GPCPD1: variants seen among roughly 807,000 people sequenced by gnomAD.
GPCPD1 encodes the protein glycerophosphocholine phosphodiesterase GPCPD1.
In GPCPD1, 29 loss-of-function variants were observed where a neutral mutation model predicts 89.2. The ratio of observed to expected loss-of-function variants is 0.33; its 90% confidence interval spans 0.24 to 0.44. The LOEUF is 0.44. Among genes scored for constraint, GPCPD1 ranks in the 20% least tolerant of loss-of-function variants. GPCPD1 has a pLI of 1.00. For synonymous variants in GPCPD1, 258 were observed against 266.3 expected, an observed-to-expected ratio of 0.97 and a Z score of 0.30; for missense variants, 594 against 808.9, an observed-to-expected ratio of 0.73 and a Z score of 3.22.
intron 19 of GPCPD1, among the ~76,000 whole-genome samples, chr20:5,552,703 T>C (rs1048996053): frequency 6.6e-6 from 1 of 152,264 alleles, no homozygotes; most frequent in Non-Finnish European, 1.5e-5. Context: ...GCGTCACTCA[T>C]GCTATTTCAT....
Position 5,588,697 on chromosome 20 carries a change from C to T in GPCPD1, c.232-2428G>A, listed in dbSNP as rs541374419. Among the ~76,000 whole-genome samples, 30 of 151,766 alleles carry T rather than the reference C, an allele frequency of 2.0e-4. 1 individual carries two copies. The highest frequency in any genetic ancestry group is 6.3e-4 in the South Asian group (3 of 4,798). ...AAAATTAGCCAGGCATGGTGGCACACGCCTGTAATCCTAGGTACTTGGGAG... is the reference window on the plus strand; with the variant it reads ...AAAATTAGCCAGGCATGGTGGCACATGCCTGTAATCCTAGGTACTTGGGAG... On this transcript the variant is annotated intron_variant, in intron 4 of 19. Transcript: ENST00000379019.
At chr20:5,565,785 A>G (rs1986366994) in intron 14 of GPCPD1, among the ~76,000 whole-genome samples, 1 of 152,236 alleles carries the variant, frequency 6.6e-6, no homozygotes. Context: ...TACTAAAATC[A>G]GCTCAGAAAT....
chr20:5,578,931 T>C lies in GPCPD1; in HGVS notation c.474-320A>G, dbSNP rs1600757325. 2.0e-5 allele frequency among the ~76,000 whole-genome samples: 3 copies of C among 152,194 alleles called. No individual in the cohort carries two copies. In the South Asian group the frequency reaches 6.2e-4, roughly 32 times the overall value. On this transcript the variant is annotated intron_variant, in intron 7 of 19. Transcript: ENST00000379019. ...GGGCTGGGCCAGTGGCTCACGCCTG[T>C]AATCCCAGAACTTTGGGAAGCTGAC...
chr20:5,564,541 T>G (rs1228665255), intron 15 of GPCPD1, among the ~76,000 whole-genome samples: 1 of 152,152 alleles, frequency 6.6e-6, no homozygotes, highest in African/African-American at 2.4e-5. Context: ...AGAATGAATC[T>G]TATTGGCTGG....
At chr20:5,575,697 C>T (rs1201513382) in intron 9 of GPCPD1, 119 bp downstream of exon 9, 1 of 887,044 alleles carries the variant, frequency 1.1e-6, no homozygotes, top group African/African-American at 1.7e-5. Flanking sequence ...AGACATGCTC[C>T]TTAAATTGAT....
chr20:5,581,964 C>T (rs1978534698), intron 6 of GPCPD1, among the ~76,000 whole-genome samples: 2 of 148,714 alleles, frequency 1.3e-5, no homozygotes, highest in African/African-American at 2.5e-5. Flanking sequence ...GCGGGCGGAT[C>T]ACGAGGTCAG....
At chr20:5,550,283 C>CAAAAAAAAAAAAAA (rs11476159) in intron 19 of GPCPD1, among the ~76,000 whole-genome samples, 4 of 76,010 alleles carry the variant, frequency 5.3e-5, no homozygotes, top group Non-Finnish European at 7.2e-5. Context: ...TCAAATGAAG[C>CAAAAAAAAAAAAAA]AAAAAAAAAA....
chr20:5,549,144 AAAAC>A (rs1188349385), intron 19 of GPCPD1: 5 of 651,572 alleles, frequency 7.7e-6, no homozygotes, highest in African/African-American at 5.4e-5. Context: ...GAAGATGAGA[AAAAC>A]AAACAGGGAG....
At position 5,547,301 on chromosome 20, in the gene GPCPD1, T is replaced by C. The variant is rs1985076165; in HGVS notation, c.*360A>G. On this transcript the variant is annotated 3_prime_UTR_variant, in exon 20 of 20. Transcript: ENST00000379019. The stretch of plus-strand genomic sequence containing the variant: ...TCATTTTCCTTAAGTGCTAAAGATT[T>C]CAGACCTGATCAAATGAAAAGCTGT... 6.5e-6 allele frequency: 1 copy of C among 153,746 alleles called. No homozygotes were observed. Among genetic ancestry groups the C allele is most frequent in the Admixed American group, 6.5e-5 (1 of 15,322 alleles). 9.5% of individuals were successfully genotyped at this position (153,746 alleles called of 1,614,324 possible). A position where few individuals can be genotyped will look rare whatever the true frequency, so the allele number is the denominator to read the frequency against.
At chr20:5,547,987 TAAAGATG>T (rs1374431612) in intron 19 of GPCPD1, 137 bp from the exon 20 acceptor site, 1 of 495,390 alleles carries the variant, frequency 2.0e-6, no homozygotes, top group African/African-American at 1.9e-5. Flanking sequence ...TGTTTTGTTT[TAAAGATG>T]AAAGTATCCA....
At chr20:5,590,170 A>G (rs1387604411) in intron 4 of GPCPD1, among the ~76,000 whole-genome samples, 1 of 152,184 alleles carries the variant, frequency 6.6e-6, no homozygotes, top group East Asian at 1.9e-4. Context: ...CTGCTTGCAT[A>G]TATCACAAAT....
At chr20:5,603,291 T>C (rs1980306288) in intron 2 of GPCPD1, among the ~76,000 whole-genome samples, 1 of 151,532 alleles carries the variant, frequency 6.6e-6, no homozygotes, top group South Asian at 2.1e-4. Context: ...ACACTCCATC[T>C]CAAAAAAAAA....
Position 5,565,070 on chromosome 20 carries a change from C to T in GPCPD1, c.1276G>A (p.Val426Ile), listed in dbSNP as rs778664139. 6.6e-7 allele frequency: 1 copy of T among 1,511,098 alleles called. No individual in the cohort carries two copies. The highest frequency in any genetic ancestry group is 1.7e-5 in the Admixed American group (1 of 59,716). 93.6% of individuals were successfully genotyped at this position (1,511,098 alleles called of 1,614,324 possible). A position where few individuals can be genotyped will look rare whatever the true frequency, so the allele number is the denominator to read the frequency against. Reference sequence around the variant, plus strand: ...TCTGAAAAGGAATTTTCCTCCTGAACCACAGATTCTGAAATTTTAAAACAC... The same window carrying T: ...TCTGAAAAGGAATTTTCCTCCTGAATCACAGATTCTGAAATTTTAAAACAC... ...LKSKDRKESV[V>I]QEENSFSENQ... Residue 426 changes from valine (V) to isoleucine (I), a missense_variant, in exon 15 of 20, where the codon GTT becomes ATT. Val to Ile is a conservative substitution (Grantham distance 29, BLOSUM62 3). Coordinates refer to ENST00000379019, the MANE Select transcript of GPCPD1 (RefSeq NM_019593.5).
At chr20:5,601,548 T>C (rs1980154214) in intron 2 of GPCPD1, among the ~76,000 whole-genome samples, 1 of 151,912 alleles carries the variant, frequency 6.6e-6, no homozygotes, top group Non-Finnish European at 1.5e-5. Flanking sequence ...TTTGTATTTT[T>C]AGTAGAGACG....
Position 5,561,548 on chromosome 20 carries a change from G to A in GPCPD1, c.1330-18C>T. ...TCTAAAACCTACAGTTTTGTTTGTT[G>A]GTAAATTTTGTTTTTGATGAGATGG... is the stretch of plus-strand genomic sequence containing the variant. On this transcript the variant is annotated intron_variant, in intron 15 of 19. Transcript: ENST00000379019. The A allele has an allele frequency of 2.0e-6, 3 of 1,512,740 alleles. No homozygotes were observed. The highest frequency in any genetic ancestry group is 1.7e-5 in the Admixed American group (1 of 58,094). 93.7% of individuals were successfully genotyped at this position (1,512,740 alleles called of 1,614,324 possible).
chr20:5,580,221 C>A, intron 6 of GPCPD1, 90 bp from the exon 7 acceptor site: 2 of 622,628 alleles, frequency 3.2e-6, no homozygotes, highest in Non-Finnish European at 5.6e-6. Context: ...AATTCTAGTT[C>A]ACATTCACTT....
intron 4 of GPCPD1, among the ~76,000 whole-genome samples, chr20:5,588,979 A>G (rs2122734603): frequency 6.6e-6 from 1 of 152,368 alleles, no homozygotes; most frequent in Non-Finnish European, 1.5e-5. Context: ...ATCTTTACTT[A>G]ATCAAGTAAG....
Position 5,579,980 on chromosome 20 carries a change from C to T in GPCPD1, c.473+28G>A, listed in dbSNP as rs752819512. The stretch of plus-strand genomic sequence containing the variant: ...CTACAGCACTAGTGAAAACAAATAG[C>T]CTAAGTAACACATAAACATGGTCAT... On this transcript the variant is annotated intron_variant, in intron 7 of 19. Transcript: ENST00000379019. The T allele has an allele frequency of 2.1e-6, 3 of 1,444,448 alleles. No individual in the cohort carries two copies. The South Asian group carries it at 3.6e-5, about 17-fold the overall frequency. The allele number at this position is 1,444,448 out of a possible 1,614,324, so 89.5% of individuals were successfully genotyped here.
Position 5,558,817 on chromosome 20 carries a change from A to G in GPCPD1, c.1535T>C (p.Val512Ala). 6.4e-7 allele frequency: 1 copy of G among 1,558,776 alleles called. No homozygotes were observed. The highest frequency in any genetic ancestry group is 8.7e-7 in the Non-Finnish European group (1 of 1,153,456). ...CGGATATTTGTTCTGCTTTTGCCGA[A>G]CCCTGAAAAGAAACAATTTTAAAAA... Reference protein sequence around the residue: ...SSFDADICTMVRQKQNKYPIL... With the variant: ...SSFDADICTMARQKQNKYPIL... The change falls in exon 18 of 20, where the codon GTT becomes GCT. Residue 512 changes from valine to alanine, a missense_variant and splice_region_variant. Physicochemically the swap from Val to Ala is moderately conservative, Grantham distance 64 (BLOSUM62 0). Transcript: ENST00000379019.
Sources: allele counts gnomAD v4.1 joint callset (sites outside exome capture counted in the v4.1 genomes callset), GRCh38; gene constraint gnomAD v4.1.1; transcripts MANE v1.5; gene names NCBI Gene and HGNC (gene_info 2026-07-23, HGNC 2026-07-21).